The following TRAK1 variants were observed in gnomAD, a reference collection of about 807,000 sequenced individuals.
TRAK1 encodes the protein trafficking kinesin-binding protein 1.
A neutral mutation model predicts 92.1 loss-of-function variants in TRAK1; 33 were observed. The ratio of observed to expected loss-of-function variants is 0.36; its 90% CI spans 0.27 to 0.48. TRAK1 has a LOEUF of 0.48. TRAK1 is among the 20% of genes least tolerant of loss of function. TRAK1 has a pLI of 0.99. For synonymous variants in TRAK1, 521 were observed against 517.3 expected, an observed-to-expected ratio of 1.01 and a Z score of -0.10; for missense variants, 1,123 against 1,257.9, an observed-to-expected ratio of 0.89 and a Z score of 1.62.
chr3:42,080,035 C>G (rs533902321), intron 1 of TRAK1, among the ~76,000 whole-genome samples: 81 of 152,216 alleles, frequency 5.3e-4, no homozygotes, highest in African/African-American at 1.9e-3. Context: ...GAAGGTTGCT[C>G]GATCCCTTCC....
intron 2 of TRAK1, among the ~76,000 whole-genome samples, chr3:42,173,807 T>G (rs1406314654): frequency 1.3e-5 from 2 of 152,150 alleles, no homozygotes; most frequent in Non-Finnish European, 2.9e-5. Context: ...CCTGCAGGGT[T>G]GTTGTGAAGA....
rs573933504 is a variant in TRAK1 at position 42,223,788 on chromosome 3, T to C, written c.*51T>C. 2.0e-4 allele frequency: 309 copies of C among 1,545,822 alleles called. 1 individual carries two copies. In the South Asian group the frequency reaches 3.6e-3, roughly 18 times the overall value. ...AGAGGAGACCCACGTTCTCCTCTCT[T>C]GCTCCCACCTCCCTCTCTTCCCCCC... is the stretch of plus-strand genomic sequence containing the variant. On this transcript the variant is annotated 3_prime_UTR_variant, in exon 16 of 16. Coordinates refer to ENST00000327628, the MANE Select transcript of TRAK1 (RefSeq NM_001042646.3). The surrounding 1 kb of genome is among the most constrained non-coding windows in gnomAD (Gnocchi z 6.1).
chr3:42,091,608 T>C (rs1705073539), intron 1 of TRAK1, 48 bp downstream of exon 1: 3 of 1,574,326 alleles, frequency 1.9e-6, no homozygotes, highest in African/African-American at 2.7e-5. Flanking sequence ...CTTTGTGGTG[T>C]GGTCGGAAAG....
At chr3:42,136,954 C>T (rs902756785) in intron 2 of TRAK1, among the ~76,000 whole-genome samples, 1 of 152,178 alleles carries the variant, frequency 6.6e-6, no homozygotes, top group Non-Finnish European at 1.5e-5. Context: ...GCTGGGATTA[C>T]AGGCGTGAGC....
intron 1 of TRAK1, among the ~76,000 whole-genome samples, chr3:42,025,161 T>G (rs1222086645): frequency 6.6e-6 from 1 of 152,218 alleles, no homozygotes; most frequent in East Asian, 1.9e-4. Context: ...CCCCGCTTTC[T>G]GCTGTGCTTG....
intron 2 of TRAK1, among the ~76,000 whole-genome samples, chr3:42,132,729 G>A (rs78775986): frequency 0.03 from 4,539 of 151,984 alleles, 241 homozygotes; most frequent in African/African-American, 0.1. Flanking sequence ...AAATGTTGGC[G>A]TGCCCAGCCT....
chr3:42,013,455 A>T (rs1701385721), upstream of TRAK1, among the ~76,000 whole-genome samples: 1 of 152,004 alleles, frequency 6.6e-6, no homozygotes, highest in Non-Finnish European at 1.5e-5. This position sits in a 1 kb window ranked among gnomAD's most constrained non-coding sequence, Gnocchi z 5.1. Context: ...CGGCGTGGGT[A>T]AAAGTGCAGG....
intron 2 of TRAK1, among the ~76,000 whole-genome samples, chr3:42,165,059 C>T (rs1028277268): frequency 1.3e-5 from 2 of 152,110 alleles, no homozygotes; most frequent in African/African-American, 2.4e-5. Context: ...TCCTATTACC[C>T]ATTTGCAAAG....
chr3:42,203,790 C>T, intron 13 of TRAK1: 7 of 917,216 alleles, frequency 7.6e-6, no homozygotes, highest in Non-Finnish European at 7.8e-6. Context: ...TTTAATACCA[C>T]ATATATATTG....
intron 1 of TRAK1, among the ~76,000 whole-genome samples, chr3:42,080,020 G>A (rs775654331): frequency 3.3e-5 from 5 of 152,124 alleles, no homozygotes; most frequent in Non-Finnish European, 7.4e-5. Flanking sequence ...GGAAGGCAGT[G>A]TGTTGAAGGT....
intron 4 of TRAK1, among the ~76,000 whole-genome samples, chr3:42,186,221 A>G (rs1435228790): frequency 6.6e-6 from 1 of 151,968 alleles, no homozygotes; most frequent in East Asian, 1.9e-4. Context: ...GGCTCAAGCA[A>G]TCCACCCGCC....
intron 13 of TRAK1, among the ~76,000 whole-genome samples, chr3:42,206,940 CTA>C (rs1708398707): frequency 6.6e-6 from 1 of 152,160 alleles, no homozygotes; most frequent in African/African-American, 2.4e-5. Context: ...GGAGAAAGGC[CTA>C]TGAGACTCTT....
chr3:42,052,049 C>T lies in TRAK1; in HGVS notation c.-518-35055C>T, dbSNP rs1299561717. On this transcript the variant is annotated intron_variant, in intron 1 of 16. Transcript: ENST00000487159. ...TTTTGAATGATTAAATCTGCAGACTCCATCAGAAGCAAGGAGTAATCTGTG... is the reference window on the plus strand; with the variant it reads ...TTTTGAATGATTAAATCTGCAGACTTCATCAGAAGCAAGGAGTAATCTGTG... 2.0e-5 allele frequency among the ~76,000 whole-genome samples: 3 copies of T among 152,300 alleles called. No homozygotes were observed. In the East Asian group the frequency reaches 5.8e-4, roughly 29 times the overall value.
At chr3:42,107,196 T>A (rs1329230819) in intron 1 of TRAK1, among the ~76,000 whole-genome samples, 1 of 152,178 alleles carries the variant, frequency 6.6e-6, no homozygotes, top group Non-Finnish European at 1.5e-5. Context: ...GAAATGTTTT[T>A]GGACAACAGA....
upstream of TRAK1, among the ~76,000 whole-genome samples, chr3:42,013,439 G>GC (rs1309184651): frequency 6.6e-6 from 1 of 152,104 alleles, no homozygotes; most frequent in East Asian, 1.9e-4. This position sits in a 1 kb window ranked among gnomAD's most constrained non-coding sequence, Gnocchi z 5.1. Flanking sequence ...ACTTCTCTGT[G>GC]CCCCACGGCG....
intron 1 of TRAK1, among the ~76,000 whole-genome samples, chr3:42,098,661 A>G (rs1478520112): frequency 1.3e-5 from 2 of 152,130 alleles, no homozygotes; most frequent in Non-Finnish European, 2.9e-5. Context: ...TTACAAATTT[A>G]CTGCCCTTTT....
chr3:42,132,366 C>T (rs1697326056), intron 2 of TRAK1, among the ~76,000 whole-genome samples: 1 of 151,132 alleles, frequency 6.6e-6, no homozygotes, highest in Non-Finnish European at 1.5e-5. Context: ...CAGACTCAAG[C>T]CATCCTCCCA....
At chr3:42,187,997 A>G in intron 4 of TRAK1, 48 bp from the exon 5 acceptor site, 1 of 1,505,354 alleles carries the variant, frequency 6.6e-7, no homozygotes, top group Non-Finnish European at 9.2e-7. Flanking sequence ...CGGGGGGGAC[A>G]GTATCACCTT....
chr3:42,166,265 C>T (rs1559861514), intron 2 of TRAK1, among the ~76,000 whole-genome samples: 1 of 152,158 alleles, frequency 6.6e-6, no homozygotes, highest in Non-Finnish European at 1.5e-5. Flanking sequence ...AGTAGTAATA[C>T]TTTCCTCATA....
Sources: allele counts gnomAD v4.1 joint callset (sites outside exome capture counted in the v4.1 genomes callset), GRCh38; gene constraint gnomAD v4.1.1; non-coding constraint Gnocchi (gnomAD v3.1); transcripts MANE v1.5; gene names NCBI Gene and HGNC (gene_info 2026-07-23, HGNC 2026-07-21).